WWC2: variants seen among roughly 807,000 people sequenced by gnomAD.
WWC2 encodes the protein protein WWC2.
WWC2 carries 101 observed loss-of-function variants against 138.5 expected under a neutral mutation model. That is an observed-to-expected ratio of 0.73 (90% CI 0.62 to 0.86). The LOEUF is 0.86. Among genes scored for constraint, WWC2 ranks in the 40% least tolerant of loss-of-function variants. The probability of loss-of-function intolerance (pLI) is 0.00; values close to 1 mark genes in which losing one functional copy is unlikely to be tolerated. For missense variants in WWC2, 1,420 were observed against 1,419.4 expected (o/e 1.00, Z -0.01); for synonymous variants, 558 against 538.4 (o/e 1.04, Z -0.50).
At chr4:183,099,894 C>G (rs930809446) in intron 1 of WWC2, among the ~76,000 whole-genome samples, 7 of 152,210 alleles carry the variant, frequency 4.6e-5, no homozygotes, top group Admixed American at 1.3e-4. Context: ...GGCTAACGGA[C>G]CCGAGGGGCC....
intron 16 of WWC2, among the ~76,000 whole-genome samples, chr4:183,278,243 C>A (rs1438617674): frequency 1.3e-5 from 2 of 152,028 alleles, no homozygotes; most frequent in Non-Finnish European, 1.5e-5. Context: ...GAATCCTTTC[C>A]CCATTTCTTG....
rs1736883375 is a variant in WWC2, at chr4:183,248,876, T to C, written c.879+16T>C. ...TTCCGGAGATGTAAGTTATCTGTGC[T>C]GAAGAGTTGGCCCAGTGTTGTCCTT... On this transcript the variant is annotated intron_variant, in intron 7 of 22. Transcript: ENST00000403733. 1 of 1,567,672 alleles carries C rather than the reference T, an allele frequency of 6.4e-7. No homozygotes were observed.
chr4:183,122,313 T>C (rs1425912758), intron 1 of WWC2, among the ~76,000 whole-genome samples: 2 of 152,114 alleles, frequency 1.3e-5, no homozygotes, highest in Non-Finnish European at 2.9e-5. Flanking sequence ...CACACACAAA[T>C]TAGTGCATCG....
intron 1 of WWC2, among the ~76,000 whole-genome samples, chr4:183,132,069 C>T (rs1484576218): frequency 6.6e-6 from 1 of 152,100 alleles, no homozygotes; most frequent in Non-Finnish European, 1.5e-5. Flanking sequence ...TTGCCAATAT[C>T]ATGTTGTCTT....
chr4:183,223,033 A>G lies in WWC2; in HGVS notation c.522+14008A>G, dbSNP rs147194648. On this transcript the variant is annotated intron_variant, in intron 4 of 22. Transcript: ENST00000403733. ...GACACTGCAGTCAATGACAAACCAC[A>G]TATATATGATGGTAGTCCCATGAGA... Among the ~76,000 whole-genome samples the G allele has an allele frequency of 2.1e-3, 317 of 152,310 alleles. 1 individual carries two copies. The highest frequency in any genetic ancestry group is 7.0e-3 in the African/African-American group (293 of 41,566).
intron 6 of WWC2, among the ~76,000 whole-genome samples, chr4:183,247,506 A>G (rs1214825105): frequency 7.1e-6 from 1 of 140,724 alleles, no homozygotes; most frequent in Non-Finnish European, 1.5e-5. Flanking sequence ...TATTTATACT[A>G]TATATACACT....
At chr4:183,147,303 C>G (rs1334427971) in intron 1 of WWC2, among the ~76,000 whole-genome samples, 1 of 152,216 alleles carries the variant, frequency 6.6e-6, no homozygotes, top group Non-Finnish European at 1.5e-5. Context: ...GCTGTGGCGG[C>G]TCAGAGAAGC....
chr4:183,270,750 C>T (rs997556655), intron 15 of WWC2, among the ~76,000 whole-genome samples: 9 of 152,220 alleles, frequency 5.9e-5, no homozygotes, highest in Non-Finnish European at 1.3e-4. Context: ...GGAGTCAGAG[C>T]AAGACTCCAT....
At chr4:183,110,395 A>C (rs1482864016) in intron 1 of WWC2, among the ~76,000 whole-genome samples, 1 of 151,278 alleles carries the variant, frequency 6.6e-6, no homozygotes, top group Non-Finnish European at 1.5e-5. Context: ...GATGCCTGTC[A>C]CTTTGAAGCA....
intron 1 of WWC2, among the ~76,000 whole-genome samples, chr4:183,135,780 A>G (rs1314982069): frequency 2.0e-5 from 3 of 152,146 alleles, no homozygotes; most frequent in Non-Finnish European, 4.4e-5. Flanking sequence ...TTTTCTTGGA[A>G]AATGTCTTCA....
At chr4:183,241,129 G>A (rs560412089) in intron 5 of WWC2, among the ~76,000 whole-genome samples, 4 of 152,242 alleles carry the variant, frequency 2.6e-5, no homozygotes, top group Admixed American at 2.0e-4. Context: ...CTCCAAGTGC[G>A]GTGCAGTATT....
rs1743084221 is a variant in WWC2, at chr4:183,099,438, G to C, written c.-54G>C. On this transcript the variant is annotated 5_prime_UTR_variant, in exon 1 of 23. Transcript: ENST00000403733. ...CTAGCCCGGCAGCCGCGTTCCCGCC[G>C]CGTCCCGCGCCCGGTACCTATGGAG... The C allele has an allele frequency of 8.3e-7, 1 of 1,200,722 alleles. No homozygotes were observed. Among genetic ancestry groups the C allele is most frequent in the South Asian group, 3.8e-5 (1 of 26,184 alleles). The allele number at this position is 1,200,722 out of a possible 1,614,324, so 74.4% of individuals were successfully genotyped here.
chr4:183,178,041 G>T (rs184905740), intron 1 of WWC2, among the ~76,000 whole-genome samples: 1 of 152,146 alleles, frequency 6.6e-6, no homozygotes, highest in African/African-American at 2.4e-5. Flanking sequence ...TCACTATAGC[G>T]TTAGGACATT....
At chr4:183,138,679 A>C (rs901698226) in intron 1 of WWC2, among the ~76,000 whole-genome samples, 4 of 152,178 alleles carry the variant, frequency 2.6e-5, no homozygotes, top group African/African-American at 7.2e-5. Flanking sequence ...ATTAGGTGAA[A>C]GTCTCCTTTA....
intron 1 of WWC2, among the ~76,000 whole-genome samples, chr4:183,168,190 T>C (rs1366886873): frequency 6.6e-6 from 1 of 151,010 alleles, no homozygotes; most frequent in Admixed American, 6.6e-5. Flanking sequence ...TTTTTTTTTT[T>C]TTTTAAGATT....
At chr4:183,114,078 A>G (rs1185205419) in intron 1 of WWC2, among the ~76,000 whole-genome samples, 1 of 152,160 alleles carries the variant, frequency 6.6e-6, no homozygotes, top group Admixed American at 6.5e-5. Flanking sequence ...TGTCCCCACT[A>G]TTGTAATTTG....
chr4:183,276,231 A>G (rs1737853022), intron 16 of WWC2, among the ~76,000 whole-genome samples: 1 of 152,030 alleles, frequency 6.6e-6, no homozygotes, highest in Admixed American at 6.6e-5. Context: ...TTCTACTTAT[A>G]AGCAGTATGT....
intron 1 of WWC2, among the ~76,000 whole-genome samples, chr4:183,160,974 G>C (rs368217967): frequency 6.6e-6 from 1 of 151,970 alleles, no homozygotes; most frequent in South Asian, 2.1e-4. Flanking sequence ...CTTATTAGGA[G>C]ACAACACAAA....
intron 20 of WWC2, 53 bp downstream of exon 20, chr4:183,286,112 C>A: frequency 6.7e-7 from 1 of 1,487,778 alleles, no homozygotes; most frequent in South Asian, 1.2e-5. Context: ...CCAGAATTGT[C>A]ACTTGTGCAG....
Sources: gnomAD v4.1 joint callset for allele counts (sites outside exome capture counted in the v4.1 genomes callset) on GRCh38, gnomAD v4.1.1 for gene constraint, MANE v1.5 for transcripts, NCBI Gene and HGNC (gene_info 2026-07-23, HGNC 2026-07-21) for gene names.